CDH13: variants seen among roughly 807,000 people sequenced by gnomAD.
CDH13 encodes cadherin-13.
In CDH13, 24 loss-of-function variants were observed where a neutral mutation model predicts 63.8. The ratio of observed to expected loss-of-function variants is 0.38; its 90% CI spans 0.27 to 0.53. CDH13 has a LOEUF of 0.53. CDH13 is among the 20% of genes least tolerant of loss of function. The pLI, the probability that CDH13 is intolerant of heterozygous loss-of-function variation, is 0.85. For synonymous variants in CDH13, 503 were observed against 355.3 expected (o/e 1.42, Z -4.67); for missense variants, 1,049 against 903.1 (o/e 1.16, Z -2.07).
intron 12 of CDH13, among the ~76,000 whole-genome samples, chr16:83,782,082 T>G (rs187708984): frequency 6.6e-6 from 1 of 152,350 alleles, no homozygotes; most frequent in Non-Finnish European, 1.5e-5. Flanking sequence ...GCTTCATGTA[T>G]TTTTATTTCC....
chr16:83,561,133 GTTC>G (rs2075699364), intron 7 of CDH13, among the ~76,000 whole-genome samples: 1 of 151,918 alleles, frequency 6.6e-6, no homozygotes, highest in Non-Finnish European at 1.5e-5. Flanking sequence ...ACTCATTCAG[GTTC>G]TTCTCTCATT....
At chr16:83,432,319 A>T (rs1040622005) in intron 6 of CDH13, among the ~76,000 whole-genome samples, 5 of 152,204 alleles carry the variant, frequency 3.3e-5, no homozygotes, top group Admixed American at 2.0e-4. Flanking sequence ...GTGCTGTGCC[A>T]GGCACAGAAC....
At chr16:83,515,940 A>G (rs2074689728) in intron 7 of CDH13, among the ~76,000 whole-genome samples, 1 of 152,208 alleles carries the variant, frequency 6.6e-6, no homozygotes, top group African/African-American at 2.4e-5. Context: ...ATAAGCTGAT[A>G]TTTGGGTATA....
intron 7 of CDH13, among the ~76,000 whole-genome samples, chr16:83,498,057 G>A (rs958939131): frequency 2.6e-5 from 4 of 152,132 alleles, no homozygotes; most frequent in Non-Finnish European, 5.9e-5. Flanking sequence ...TTTTTAAAAA[G>A]CAGTCCAACA....
intron 13 of CDH13, among the ~76,000 whole-genome samples, chr16:83,791,045 C>T (rs1916230204): frequency 6.6e-6 from 1 of 152,028 alleles, no homozygotes; most frequent in Non-Finnish European, 1.5e-5. Context: ...GGGCAGGGCA[C>T]AGTGGCTCAT....
intron 5 of CDH13, among the ~76,000 whole-genome samples, chr16:83,231,344 G>A (rs1162927685): frequency 1.3e-5 from 2 of 152,190 alleles, no homozygotes; most frequent in African/African-American, 4.8e-5. Context: ...TAGGTTCAGG[G>A]CTCTCCGAGG....
chr16:83,089,942 C>T (rs1328897297), intron 3 of CDH13, among the ~76,000 whole-genome samples: 2 of 152,180 alleles, frequency 1.3e-5, no homozygotes, highest in Non-Finnish European at 2.9e-5. Flanking sequence ...GAGGACCATA[C>T]TTTGCATAGC....
At chr16:82,706,480 A>G (rs2031500022) in intron 1 of CDH13, among the ~76,000 whole-genome samples, 10 of 152,056 alleles carry the variant, frequency 6.6e-5, no homozygotes, top group Admixed American at 6.6e-4. Flanking sequence ...TGGCCTGGAG[A>G]AAAAACAAGG....
chr16:82,774,332 T>G (rs1398445654), intron 1 of CDH13, among the ~76,000 whole-genome samples: 1 of 152,132 alleles, frequency 6.6e-6, no homozygotes, highest in African/African-American at 2.4e-5. Flanking sequence ...ATTTTTTTTT[T>G]TTTTTCATTT....
intron 6 of CDH13, among the ~76,000 whole-genome samples, chr16:83,360,757 C>A (rs529860680): frequency 6.6e-6 from 1 of 152,260 alleles, no homozygotes; most frequent in Non-Finnish European, 1.5e-5. Flanking sequence ...AGGCTTCCAG[C>A]TGTATCCATG....
At chr16:82,745,688 A>G (rs920570353) in intron 1 of CDH13, among the ~76,000 whole-genome samples, 1 of 152,264 alleles carries the variant, frequency 6.6e-6, no homozygotes, top group South Asian at 2.1e-4. Flanking sequence ...CCTTAGGTAT[A>G]AGCCTTTTCT....
chr16:83,220,950 A>G (rs796256047), intron 5 of CDH13, among the ~76,000 whole-genome samples: 8 of 152,358 alleles, frequency 5.3e-5, no homozygotes, highest in African/African-American at 1.9e-4. Flanking sequence ...AACACTTTGT[A>G]TAATTCTCTT....
At chr16:82,695,517 C>G (rs1450647411) in intron 1 of CDH13, among the ~76,000 whole-genome samples, 1 of 152,134 alleles carries the variant, frequency 6.6e-6, no homozygotes, top group Non-Finnish European at 1.5e-5. Flanking sequence ...TTGTCTGTCC[C>G]TTAGCTTTGG....
chr16:83,025,675 A>C lies in CDH13; in HGVS notation c.158-6335A>C, dbSNP rs1298854390. Among the ~76,000 whole-genome samples, 4 of 152,184 alleles carry C rather than the reference A, an allele frequency of 2.6e-5. No individual in the cohort carries two copies. In the East Asian group the frequency reaches 7.7e-4, roughly 29 times the overall value. Reference sequence around the variant, plus strand: ...CCAACGTCACAGGGCTCCTACACACAAGCCAGGATTAGAAAAGGGCTTAGA... The same window carrying C: ...CCAACGTCACAGGGCTCCTACACACCAGCCAGGATTAGAAAAGGGCTTAGA... On this transcript the variant is annotated intron_variant, in intron 2 of 13. Coordinates refer to ENST00000567109, the MANE Select transcript of CDH13 (RefSeq NM_001257.5).
chr16:83,325,033 C>T (rs182538824), intron 5 of CDH13, among the ~76,000 whole-genome samples: 1 of 152,238 alleles, frequency 6.6e-6, no homozygotes, highest in African/African-American at 2.4e-5. Context: ...AAGGCTGTCT[C>T]CCTCCTCTTC....
chr16:83,475,859 A>G (rs959637543), intron 6 of CDH13, among the ~76,000 whole-genome samples: 10 of 152,200 alleles, frequency 6.6e-5, no homozygotes, highest in African/African-American at 2.4e-4. Context: ...TGATGGGATT[A>G]CAGGCATGAG....
intron 4 of CDH13, among the ~76,000 whole-genome samples, chr16:83,168,009 G>T (rs72800254): frequency 2.0e-5 from 3 of 151,698 alleles, no homozygotes; most frequent in Non-Finnish European, 4.4e-5. Context: ...GAATACTCAC[G>T]GACATAAAGA....
chr16:83,213,913 C>T (rs573462098), intron 4 of CDH13, among the ~76,000 whole-genome samples: 4 of 152,048 alleles, frequency 2.6e-5, no homozygotes, highest in Non-Finnish European at 5.9e-5. Context: ...AATCAGTGCT[C>T]TGTAAAAACG....
chr16:83,180,713 T>C (rs922833372), intron 4 of CDH13, among the ~76,000 whole-genome samples: 11 of 152,226 alleles, frequency 7.2e-5, no homozygotes, highest in African/African-American at 2.4e-4. Context: ...TATTAGACTA[T>C]GCATGCCAAT....
Sources: allele counts gnomAD v4.1 joint callset (sites outside exome capture counted in the v4.1 genomes callset), GRCh38; gene constraint gnomAD v4.1.1; transcripts MANE v1.5; gene names NCBI Gene and HGNC (gene_info 2026-07-23, HGNC 2026-07-21).